The following MYH16 variants were observed in gnomAD, a reference collection of about 807,000 sequenced individuals.
MYH16 encodes putative uncharacterized protein MYH16.
intron 27 of MYH16, among the ~76,000 whole-genome samples, chr7:99,286,128 A>C (rs1792273824): frequency 6.6e-6 from 1 of 152,228 alleles, no homozygotes; most frequent in Non-Finnish European, 1.5e-5. Context: ...GGTATCATTA[A>C]ATCTCATCCC....
chr7:99,250,593 T>C (rs1791798120), intron 5 of MYH16, among the ~76,000 whole-genome samples: 1 of 152,084 alleles, frequency 6.6e-6, no homozygotes, highest in Non-Finnish European at 1.5e-5. Flanking sequence ...ACTTTAAAAA[T>C]TAGCTGGGAG....
chr7:99,297,536 T>C (rs1792518908), intron 34 of MYH16, 124 bp from the exon 16 acceptor site: 1 of 362,062 alleles, frequency 2.8e-6, no homozygotes, highest in African/African-American at 2.1e-5. Context: ...TCAGGTGTGG[T>C]GGCTCATGTC....
At chr7:99,290,840 A>G (rs1042435282) in intron 30 of MYH16, 2 of 151,764 alleles carry the variant, frequency 1.3e-5, no homozygotes, top group Non-Finnish European at 2.9e-5. Flanking sequence ...CATTTGATGG[A>G]TAAGAAAAAT....
intron 39 of MYH16, among the ~76,000 whole-genome samples, chr7:99,303,909 G>A (rs775238978): frequency 2.0e-5 from 3 of 152,196 alleles, no homozygotes; most frequent in African/African-American, 7.2e-5. Flanking sequence ...ATTGGTGGAT[G>A]AGCCTGGGGA....
At chr7:99,291,757 G>A (rs1453990161) in intron 31 of MYH16, among the ~76,000 whole-genome samples, 2 of 152,224 alleles carry the variant, frequency 1.3e-5, no homozygotes, top group Admixed American at 6.5e-5. Flanking sequence ...TCAGGAGTTC[G>A]AGACCAGTCT....
intron 1 of MYH16, among the ~76,000 whole-genome samples, chr7:99,240,776 G>T (rs998173117): frequency 1.3e-5 from 2 of 151,772 alleles, no homozygotes; most frequent in Admixed American, 1.3e-4. Context: ...GGAAGCTGAG[G>T]CTGCAGTGAG....
intron 9 of MYH16, among the ~76,000 whole-genome samples, chr7:99,256,454 G>A (rs934842366): frequency 1.3e-5 from 2 of 151,724 alleles, no homozygotes; most frequent in African/African-American, 4.8e-5. Flanking sequence ...GGGCAACAAA[G>A]TAAGACCCTA....
intron 20 of MYH16, 126 bp from the exon 3 acceptor site, chr7:99,277,413 G>C (rs1291324075): frequency 2.9e-6 from 1 of 348,320 alleles, no homozygotes; most frequent in Non-Finnish European, 5.7e-6. Context: ...CAGAGCTACA[G>C]CAAGAGCTGC....
intron 15 of MYH16, among the ~76,000 whole-genome samples, chr7:99,264,521 C>T (rs1791969617): frequency 6.6e-6 from 1 of 152,170 alleles, no homozygotes. Context: ...GGGATTTGTG[C>T]AGCGTGATCA....
rs746914652 is a variant in MYH16 at position 99,293,251 on chromosome 7, A to G, written n.4149+743A>G. Among the ~76,000 whole-genome samples the G allele has an allele frequency of 9.5e-4, 144 of 152,204 alleles. 1 individual carries two copies. The highest frequency in any genetic ancestry group is 1.8e-3 in the Non-Finnish European group (124 of 68,044). ...TATAAAGCCAAATTAGGCATAGAAA[A>G]TGGCACATGTGCTCTAAGTGTTTCC... On this transcript the variant is annotated intron_variant and non_coding_transcript_variant, in intron 32 of 41. Transcript: ENST00000439784.
intron 10 of MYH16, among the ~76,000 whole-genome samples, chr7:99,257,758 T>C (rs936174118): frequency 2.6e-5 from 4 of 152,162 alleles, no homozygotes; most frequent in Admixed American, 1.3e-4. Context: ...ATGATCCTCC[T>C]GCCTCAAACC....
At chr7:99,277,878 CGTGTGTGTGTGT>C (rs61634087) in intron 21 of MYH16, among the ~76,000 whole-genome samples, 166 bp downstream of exon 3, 4 of 121,808 alleles carry the variant, frequency 3.3e-5, no homozygotes, top group Middle Eastern at 4.2e-3. Context: ...CCATCCAATT[CGTGTGTGTGTGT>C]GTGTGTGTGT....
At chr7:99,283,165 C>G (rs1451928988) in intron 23 of MYH16, among the ~76,000 whole-genome samples, 2 of 152,210 alleles carry the variant, frequency 1.3e-5, no homozygotes, top group African/African-American at 4.8e-5. Flanking sequence ...GTGGTGCCAT[C>G]ATAGCTCACT....
chr7:99,298,114 C>CT, intron 36 of MYH16, 119 bp downstream of exon 17: 1 of 388,298 alleles, frequency 2.6e-6, no homozygotes, highest in Admixed American at 3.1e-5. Context: ...GTGAACCTTG[C>CT]TGAACATGTT....
intron 11 of MYH16, among the ~76,000 whole-genome samples, chr7:99,258,890 A>T (rs1463702858): frequency 1.3e-5 from 2 of 152,104 alleles, no homozygotes; most frequent in Non-Finnish European, 2.9e-5. Context: ...TGGGTAATTT[A>T]TAAAGAAAAG....
Position 99,251,577 on chromosome 7 carries a change from CT to C in MYH16, n.729+399del, listed in dbSNP as rs1338407859. On this transcript the variant is annotated intron_variant and non_coding_transcript_variant, in intron 6 of 41. Transcript: ENST00000439784. ...TCTGCAGAGACCCAGACAGGGTTAA[CT>C]TTTTTTTGTTTTGATTTGTTTCCCC... is the stretch of plus-strand genomic sequence containing the variant. 5.3e-5 allele frequency among the ~76,000 whole-genome samples: 8 copies of C among 152,086 alleles called. No individual in the cohort carries two copies. In the South Asian group the frequency reaches 8.3e-4, roughly 16 times the overall value.
At position 99,243,897 on chromosome 7, in the gene MYH16, C is replaced by T. The variant is rs535362060; in HGVS notation, n.354+476C>T. On this transcript the variant is annotated intron_variant and non_coding_transcript_variant, in intron 2 of 41. Coordinates refer to ENST00000439784, the Ensembl canonical transcript of MYH16. ...AACATTCATCCATCCAAACATTTAT[C>T]CATCCAAACATCCATCCATCCATCC... Among the ~76,000 whole-genome samples, 274 of 151,928 alleles carry T rather than the reference C, an allele frequency of 1.8e-3. 4 individuals are homozygous for T. The highest frequency in any genetic ancestry group is 1.9e-3 in the Non-Finnish European group (128 of 67,914).
At chr7:99,246,935 A>C (rs370485209) in intron 2 of MYH16, among the ~76,000 whole-genome samples, 2 of 151,960 alleles carry the variant, frequency 1.3e-5, no homozygotes, top group African/African-American at 4.8e-5. Context: ...CATTCAATGC[A>C]CTCCTCGATT....
chr7:99,263,596 T>C (rs1584344799), intron 14 of MYH16: 1 of 152,132 alleles, frequency 6.6e-6, no homozygotes, highest in Admixed American at 6.6e-5. Context: ...AACCGATGGA[T>C]GAATGAATGA....
Sources: gnomAD v4.1 joint callset for allele counts (sites outside exome capture counted in the v4.1 genomes callset) on GRCh38, gnomAD v4.1.1 for gene constraint, MANE v1.5 for transcripts, NCBI Gene and HGNC (gene_info 2026-07-23, HGNC 2026-07-21) for gene names.